Variants in NXNL2 observed in about 807,000 individuals in gnomAD.
The protein encoded by NXNL2 is nucleoredoxin like 2, also known as nucleoredoxin-like protein 2.
NXNL2 carries 7 observed loss-of-function variants against 11.1 expected under a neutral mutation model. The observed-to-expected ratio is 0.63, with a 90% CI of 0.36 to 1.18. The LOEUF (loss-of-function observed/expected upper bound fraction) is 1.18. NXNL2 is among the 50% of genes most tolerant of loss of function. The pLI is 0.02. For missense variants in NXNL2, 233 were observed against 217.7 expected, an observed-to-expected ratio of 1.07 and a Z score of -0.44; for synonymous variants, 109 against 101.8, an observed-to-expected ratio of 1.07 and a Z score of -0.42.
At chr9:88,567,020 C>T (rs1830185176) in intron 1 of NXNL2, among the ~76,000 whole-genome samples, 1 of 149,464 alleles carries the variant, frequency 6.7e-6, no homozygotes, top group Admixed American at 6.7e-5. Context: ...ATCTATCTAT[C>T]ATCTAATATG....
chr9:88,542,684 C>T (rs913203743), intron 1 of NXNL2, among the ~76,000 whole-genome samples: 1 of 152,114 alleles, frequency 6.6e-6, no homozygotes, highest in African/African-American at 2.4e-5. Context: ...TTAATACTTC[C>T]TTTGTGACTT....
intron 1 of NXNL2, among the ~76,000 whole-genome samples, chr9:88,568,008 A>C (rs1157815381): frequency 6.6e-6 from 1 of 152,036 alleles, no homozygotes; most frequent in Non-Finnish European, 1.5e-5. Flanking sequence ...CCCAGTCCCA[A>C]CCCTACCCCT....
chr9:88,539,102 C>T (rs1448604168), intron 1 of NXNL2, among the ~76,000 whole-genome samples: 1 of 152,198 alleles, frequency 6.6e-6, no homozygotes, highest in African/African-American at 2.4e-5. Context: ...ATGCAGAAAG[C>T]CCTGGAAGAC....
At chr9:88,562,695 T>C (rs1334338038) in intron 1 of NXNL2, among the ~76,000 whole-genome samples, 8 of 151,302 alleles carry the variant, frequency 5.3e-5, no homozygotes, top group Non-Finnish European at 4.4e-5. Context: ...GAGGTTGCAG[T>C]GAGCTGAGAT....
chr9:88,544,283 C>T (rs981236810), intron 1 of NXNL2, 96 bp from the exon 2 acceptor site: 2 of 1,142,376 alleles, frequency 1.8e-6, no homozygotes, highest in Non-Finnish European at 1.3e-6. Flanking sequence ...GTGGCTTCCT[C>T]CAAGTTGGCT....
At chr9:88,561,570 A>G (rs1273214764) in intron 1 of NXNL2, among the ~76,000 whole-genome samples, 2 of 151,952 alleles carry the variant, frequency 1.3e-5, no homozygotes, top group East Asian at 3.9e-4. Flanking sequence ...CACACAAACC[A>G]GTCTACACAA....
At chr9:88,559,420 C>T (rs1033571234) in intron 1 of NXNL2, among the ~76,000 whole-genome samples, 1 of 152,182 alleles carries the variant, frequency 6.6e-6, no homozygotes, top group South Asian at 2.1e-4. Context: ...CAGAGCTTTG[C>T]CCCCTACAAG....
At chr9:88,578,359 T>A (rs369430865), downstream of NXNL2, among the ~76,000 whole-genome samples, 4 of 152,362 alleles carry the variant, frequency 2.6e-5, no homozygotes, top group African/African-American at 4.8e-5. Flanking sequence ...CCGTGACACC[T>A]GGTCAGGATC....
chr9:88,553,116 CAATT>C (rs374023725), intron 1 of NXNL2, among the ~76,000 whole-genome samples: 78 of 152,264 alleles, frequency 5.1e-4, no homozygotes, highest in African/African-American at 1.8e-3. Context: ...AAGCAAACTC[CAATT>C]GTTACTTGCA....
At chr9:88,580,184 A>C, downstream of NXNL2, among the ~76,000 whole-genome samples, 1 of 139,920 alleles carries the variant, frequency 7.1e-6, no homozygotes, top group Non-Finnish European at 1.5e-5. Context: ...ATGGAGTTTC[A>C]CTCTTGTTGC....
chr9:88,552,914 G>T (rs1357194712), intron 1 of NXNL2, among the ~76,000 whole-genome samples: 1 of 152,140 alleles, frequency 6.6e-6, no homozygotes, highest in Admixed American at 6.5e-5. Context: ...TTACACCAGA[G>T]GTAGGAAGTG....
intron 1 of NXNL2, among the ~76,000 whole-genome samples, chr9:88,554,685 A>G (rs936510315): frequency 3.9e-5 from 6 of 152,244 alleles, no homozygotes; most frequent in Non-Finnish European, 7.3e-5. Flanking sequence ...AGCCCTGGAT[A>G]TAACAACATT....
chr9:88,548,018 A>T (rs1255197089), downstream of NXNL2, among the ~76,000 whole-genome samples: 1 of 145,636 alleles, frequency 6.9e-6, no homozygotes, highest in Non-Finnish European at 1.5e-5. Context: ...ACTCCATCTT[A>T]AAAAAAAAAT....
intron 1 of NXNL2, among the ~76,000 whole-genome samples, chr9:88,556,125 G>T (rs988300644): frequency 2.0e-5 from 3 of 152,194 alleles, no homozygotes; most frequent in Admixed American, 6.5e-5. Flanking sequence ...GAGTCCCGAG[G>T]TCTCGGCCCC....
At chr9:88,569,150 C>T (rs531202666) in intron 1 of NXNL2, among the ~76,000 whole-genome samples, 5 of 152,114 alleles carry the variant, frequency 3.3e-5, no homozygotes, top group South Asian at 2.1e-4. Context: ...AGGCTGGTCT[C>T]GTACTCCTGG....
intron 1 of NXNL2, among the ~76,000 whole-genome samples, chr9:88,566,913 T>C (rs960494338): frequency 6.6e-6 from 1 of 152,170 alleles, no homozygotes; most frequent in Admixed American, 6.6e-5. Flanking sequence ...CTATCATCTA[T>C]CTATCTATCT....
chr9:88,557,080 CAAAAAAAAAAAA>C (rs150400954), intron 1 of NXNL2, among the ~76,000 whole-genome samples: 2 of 55,610 alleles, frequency 3.6e-5, no homozygotes, highest in South Asian at 1.5e-3. Context: ...GACTCCATCT[CAAAAAAAAAAAA>C]AAAAAAAAAA....
intron 1 of NXNL2, among the ~76,000 whole-genome samples, chr9:88,550,270 A>G (rs1829911438): frequency 6.6e-6 from 1 of 152,174 alleles, no homozygotes; most frequent in African/African-American, 2.4e-5. Flanking sequence ...TGGGAGTTAC[A>G]ATTCAACATG....
intron 1 of NXNL2, among the ~76,000 whole-genome samples, chr9:88,538,142 G>A (rs970082146): frequency 1.3e-5 from 2 of 152,206 alleles, no homozygotes; most frequent in African/African-American, 2.4e-5. Flanking sequence ...TAGGGAAAAA[G>A]TGAGGTTCTT....
Sources: allele counts gnomAD v4.1 joint callset (sites outside exome capture counted in the v4.1 genomes callset), GRCh38; gene constraint gnomAD v4.1.1; transcripts MANE v1.5; gene names NCBI Gene and HGNC (gene_info 2026-07-23, HGNC 2026-07-21).